Variants in TTN observed in about 807,000 individuals in gnomAD.
TTN encodes titin.
A neutral mutation model predicts 3,223.0 loss-of-function variants in TTN; 1,525 were observed. That is an observed-to-expected ratio of 0.47 (90% CI 0.45 to 0.49). The LOEUF (loss-of-function observed/expected upper bound fraction) is 0.49. Ranked by LOEUF, TTN falls within the 20% of genes least tolerant of loss-of-function variation. The pLI, the probability that TTN is intolerant of heterozygous loss-of-function variation, is 0.00. For missense variants in TTN, 40,786 were observed against 43,424.0 expected, an observed-to-expected ratio of 0.94 and a Z score of 5.40; for synonymous variants, 14,094 against 15,161.0, an observed-to-expected ratio of 0.93 and a Z score of 5.17.
rs775467284 is a variant in TTN at position 178,718,756 on chromosome 2, A to G, written c.24444T>C (p.Tyr8148=). The G allele has an allele frequency of 3.7e-6, 6 of 1,613,798 alleles. No individual in the cohort carries two copies. In the Admixed American group the frequency reaches 1.0e-4, roughly 27 times the overall value. ...CAGCATCATTTGTAACGAGGCAAGA[A>G]TAGTCTCCACTTTCTAATGGCTGCA... ...FEVQPLESGD[Y]SCLVTNDAGS... The change falls in exon 84 of 363, where the codon TAT becomes TAC. Residue 8148 remains tyrosine, a synonymous_variant. Transcript: ENST00000589042.
intron 223 of TTN, 45 bp downstream of exon 223, chr2:178,639,654 A>G (rs370426021): frequency 1.7e-4 from 262 of 1,578,738 alleles, no homozygotes; most frequent in Non-Finnish European, 2.2e-4. Context: ...ACTTTTATTA[A>G]GTCACCAAAA....
In TTN at chr2:178,633,974, G is replaced by A. The variant is rs769204115; in HGVS notation, c.42525C>T (p.Phe14175=). The A allele has an allele frequency of 1.9e-6, 3 of 1,613,298 alleles. No homozygotes were observed. In the South Asian group the frequency reaches 3.3e-5, roughly 18 times the overall value. The change falls in exon 231 of 363, where the codon TTC becomes TTT. Residue 14175 remains phenylalanine (F), a synonymous_variant. Transcript: ENST00000589042. ...TTGTATGGAGTTTGGCATCATTTTT[G>A]AACCAGACTACATGCATTTTTTCAT... ...LSHEKMHVVW[F]KNDAKLHTSR... is the part of the protein sequence containing the mutation.
Position 178,574,922 on chromosome 2 carries a change from T to C in TTN, c.71210A>G (p.Asp23737Gly). 1 of 1,612,912 alleles carries C rather than the reference T, an allele frequency of 6.2e-7. No homozygotes were observed. The highest frequency in any genetic ancestry group is 8.5e-7 in the Non-Finnish European group (1 of 1,179,430). The change falls in exon 326 of 363, where the codon GAT becomes GGT. Residue 23737 changes from aspartate (D) to glycine (G), a missense_variant. Transcript: ENST00000589042. ...PGPPTGPIKF[D>G]EVSSDFVTFS... is the part of the protein sequence containing the mutation. ...GGTTACAAAATCAGATGAAACTTCA[T>C]CAAATTTGATTGGTCCAGTAGGTGG... is the stretch of plus-strand genomic sequence containing the variant.
At chr2:178,723,765 C>T (rs2078851196) in intron 73 of TTN, 69 bp from the exon 74 acceptor site, 13 of 1,532,112 alleles carry the variant, frequency 8.5e-6, no homozygotes, top group Non-Finnish European at 1.1e-5. Context: ...TTGAATAAAA[C>T]ATTAGAGCAC....
intron 266 of TTN, 53 bp from the exon 267 acceptor site, chr2:178,612,215 C>G (rs1346710201): frequency 6.2e-7 from 1 of 1,604,292 alleles, no homozygotes; most frequent in Non-Finnish European, 8.5e-7. Flanking sequence ...GTGATAATCT[C>G]CTGTCACAAA....
At chr2:178,777,382 T>G (rs1211845151) in intron 26 of TTN, 38 bp downstream of exon 26, 1 of 1,611,826 alleles carries the variant, frequency 6.2e-7, no homozygotes. Context: ...ACCCAAGTGA[T>G]AAGAAAATTC....
In TTN at chr2:178,800,480, T is replaced by C; in HGVS notation, c.498A>G (p.Ala166=). Residue 166 remains alanine, a synonymous_variant, in exon 4 of 363, where the codon GCA becomes GCG. Coordinates refer to ENST00000589042, the MANE Select transcript of TTN (RefSeq NM_001267550.2). ...AATAGGTCCCTGAGTCCTCAGGGTA[T>C]GCTTCTGCAATCAGTAAGCTGTAGA... ...GDLYSLLIAE[A]YPEDSGTYSV... 2.5e-6 allele frequency: 4 copies of C among 1,614,188 alleles called. No individual in the cohort carries two copies. Among genetic ancestry groups the C allele is most frequent in the Non-Finnish European group, 3.4e-6 (4 of 1,180,024 alleles).
At position 178,611,568 on chromosome 2, in the gene TTN, G is replaced by GTATC. The variant is rs2056330918; in HGVS notation, c.50657_50660dup (p.Tyr16887Ter). Reference sequence around the variant, plus strand: ...TGCCTACTGGACACATTTCAACATGGTATCCTATGATAGGACTTCCACCAT... The same window carrying GTATC: ...TGCCTACTGGACACATTTCAACATGGTATCTATCCTATGATAGGACTTCCACCAT... On this transcript the variant is annotated stop_gained and frameshift_variant, in exon 269 of 363. Coordinates refer to ENST00000589042, the MANE Select transcript of TTN (RefSeq NM_001267550.2). LOFTEE classifies it high-confidence loss of function. 1 of 1,612,958 alleles carries GTATC rather than the reference G, an allele frequency of 6.2e-7. No homozygotes were observed. Among genetic ancestry groups the GTATC allele is most frequent in the Non-Finnish European group, 8.5e-7 (1 of 1,179,320 alleles).
intron 122 of TTN, 88 bp from the exon 123 acceptor site, chr2:178,689,683 G>A: frequency 6.9e-7 from 1 of 1,445,314 alleles, no homozygotes; most frequent in South Asian, 1.3e-5. Flanking sequence ...CGGGTGGACA[G>A]ACACTTTTGT....
At chr2:178,689,003 ATTTTTTTTTT>A (rs35770337) in intron 125 of TTN, 40 bp downstream of exon 125, 87 of 1,006,724 alleles carry the variant, frequency 8.6e-5, no homozygotes, top group African/African-American at 6.5e-4. Context: ...ACACTCGAAG[ATTTTTTTTTT>A]TTTTTTTTTT....
chr2:178,672,175 C>G lies in TTN; in HGVS notation c.35023G>C (p.Val11675Leu), dbSNP rs1396387112. The change falls in exon 155 of 363, where the codon GTG becomes CTG. Residue 11675 changes from valine to leucine, a missense_variant. Coordinates refer to ENST00000589042, the MANE Select transcript of TTN (RefSeq NM_001267550.2). ...TCTTCTTCTTCCGGAATTTCTTCCACTTCTGCTTCTACTACTTCTAATTCT... is the reference window on the plus strand; with the variant it reads ...TCTTCTTCTTCCGGAATTTCTTCCAGTTCTGCTTCTACTACTTCTAATTCT... ...RLELEVVEAEVEEIPEEEEFH... is the reference protein window; with the variant it reads ...RLELEVVEAELEEIPEEEEFH... 3 of 1,583,392 alleles carry G rather than the reference C, an allele frequency of 1.9e-6. No individual in the cohort carries two copies. Among genetic ancestry groups the G allele is most frequent in the Non-Finnish European group, 2.6e-6 (3 of 1,162,866 alleles).
intron 294 of TTN, 23 bp downstream of exon 294, chr2:178,597,515 A>C (rs1282677206): frequency 2.5e-6 from 4 of 1,598,728 alleles, no homozygotes; most frequent in Non-Finnish European, 3.4e-6. Flanking sequence ...AAAAAGTTGC[A>C]CAGACAAATT....
rs765569595 is a variant in TTN at position 178,620,223 on chromosome 2, CCTT to C, written c.46295_46297del (p.Glu15432del). On this transcript the variant is annotated inframe_deletion, in exon 248 of 363. Coordinates refer to ENST00000589042, the MANE Select transcript of TTN (RefSeq NM_001267550.2). Reference sequence around the variant, plus strand: ...ATAAAAAGATCTTGCTTACTTTTTGCCTTCTTTGATTTCTCTCCCATTTCTGTA... The same window carrying C: ...ATAAAAAGATCTTGCTTACTTTTTGCCTTTGATTTCTCTCCCATTTCTGTA... 5 of 1,535,518 alleles carry C rather than the reference CCTT, an allele frequency of 3.3e-6. No individual in the cohort carries two copies. The highest frequency in any genetic ancestry group is 4.3e-5 in the Admixed American group (2 of 46,564).
rs1325948079 is a variant in TTN, at chr2:178,620,059, C to G, written c.46358G>C (p.Arg15453Thr). 6.2e-7 allele frequency: 1 copy of G among 1,611,982 alleles called. No homozygotes were observed. Among genetic ancestry groups the G allele is most frequent in the Non-Finnish European group, 8.5e-7 (1 of 1,178,810 alleles). The part of the protein sequence containing the change: ...SIHRLIIKDC[R>T]LDDECEYACG... ...AGCATATTCACACTCATCATCCAGCCTGCAATCTTTTATAATGAGTCTGTG... is the reference window on the plus strand; with the variant it reads ...AGCATATTCACACTCATCATCCAGCGTGCAATCTTTTATAATGAGTCTGTG... Residue 15453 changes from arginine to threonine, a missense_variant, in exon 249 of 363, where the codon AGG becomes ACG. By Grantham distance (71) the Arg-to-Thr change is moderately conservative. Coordinates refer to ENST00000589042, the MANE Select transcript of TTN (RefSeq NM_001267550.2).
At chr2:178,802,467 G>A (rs1251780992) in intron 2 of TTN, 126 bp from the exon 3 acceptor site, 2 of 1,066,276 alleles carry the variant, frequency 1.9e-6, no homozygotes, top group African/African-American at 3.1e-5. Flanking sequence ...GCCACTTAAT[G>A]ATAGGGAAAA....
chr2:178,728,032 A>G, intron 67 of TTN, 78 bp downstream of exon 67: 1 of 1,452,092 alleles, frequency 6.9e-7, no homozygotes. Flanking sequence ...TTTTAGCTCT[A>G]AAGGATACAA....
intron 242 of TTN, 54 bp downstream of exon 242, chr2:178,624,411 T>C: frequency 6.2e-7 from 1 of 1,603,766 alleles, no homozygotes; most frequent in South Asian, 1.1e-5. Context: ...TGTTTTGTTG[T>C]TGTAGTTATT....
Position 178,589,232 on chromosome 2 carries a change from A to G in TTN, c.62493T>C (p.Leu20831=). 1 of 1,613,476 alleles carries G rather than the reference A, an allele frequency of 6.2e-7. No individual in the cohort carries two copies. Among genetic ancestry groups the G allele is most frequent in the Non-Finnish European group, 8.5e-7 (1 of 1,179,588 alleles). ...CCCCATCACTTCGCTTTGCTTTAGT[A>G]AGAGAAAATTTAGATGAATCAGCAC... ...DTRADSSKFS[L]TKAKRSDGGK... The change falls in exon 304 of 363, where the codon CTT becomes CTC. Residue 20831 remains leucine, a synonymous_variant. Transcript: ENST00000589042.
rs1446653209 is a variant in TTN, at chr2:178,526,942, A to G, written c.*70T>C. The G allele has an allele frequency of 7.3e-7, 1 of 1,375,230 alleles. No homozygotes were observed. Among genetic ancestry groups the G allele is most frequent in the East Asian group, 2.4e-5 (1 of 41,236 alleles). The allele number at this position is 1,375,230 out of a possible 1,614,324, so 85.2% of individuals were successfully genotyped here. A position where few individuals can be genotyped will look rare whatever the true frequency, so the allele number is the denominator to read the frequency against. Reference sequence around the variant, plus strand: ...TTTTCTTTAAATATTTACAGTTCAGAAAGATTAGTCCGTGTGAAACGTTTG... The same window carrying G: ...TTTTCTTTAAATATTTACAGTTCAGGAAGATTAGTCCGTGTGAAACGTTTG... On this transcript the variant is annotated 3_prime_UTR_variant, in exon 363 of 363. Coordinates refer to ENST00000589042, the MANE Select transcript of TTN (RefSeq NM_001267550.2).
Sources: gnomAD v4.1 joint callset for allele counts on GRCh38, gnomAD v4.1.1 for gene constraint, MANE v1.5 for transcripts, NCBI Gene and HGNC (gene_info 2026-07-23, HGNC 2026-07-21) for gene names.